Variants in ABTB3 observed in about 807,000 individuals in gnomAD.
The protein encoded by ABTB3 is ankyrin repeat- and BTB/POZ domain-containing protein 3.
the ABTB3 span, among the ~76,000 whole-genome samples, chr12:107,428,108 C>G: frequency 6.6e-6 from 1 of 152,236 alleles, no homozygotes; most frequent in Admixed American, 6.5e-5. Flanking sequence ...CGCAGCATCT[C>G]TCGCAGTGTC....
At chr12:107,508,826 G>T in the ABTB3 span, among the ~76,000 whole-genome samples, 1 of 152,122 alleles carries the variant, frequency 6.6e-6, no homozygotes, top group Non-Finnish European at 1.5e-5. Flanking sequence ...CACACCACAT[G>T]GCGTTATGCC....
At chr12:107,622,913 T>TG in the ABTB3 span, among the ~76,000 whole-genome samples, 4 of 152,368 alleles carry the variant, frequency 2.6e-5, no homozygotes, top group South Asian at 2.1e-4. Flanking sequence ...AAACCATACT[T>TG]GAAATCCGAC....
At chr12:107,652,842 G>T in the ABTB3 span, among the ~76,000 whole-genome samples, 1 of 152,230 alleles carries the variant, frequency 6.6e-6, no homozygotes, top group Non-Finnish European at 1.5e-5. Flanking sequence ...GCACAGGGGG[G>T]ATTAACAGTT....
the ABTB3 span, among the ~76,000 whole-genome samples, chr12:107,541,244 C>T: frequency 3.3e-5 from 5 of 152,140 alleles, no homozygotes; most frequent in Admixed American, 3.3e-4. Flanking sequence ...CTCACTTACT[C>T]GAATTTGGAT....
chr12:107,364,994 T>C, the ABTB3 span, among the ~76,000 whole-genome samples: 1 of 152,190 alleles, frequency 6.6e-6, no homozygotes, highest in Admixed American at 6.5e-5. Flanking sequence ...CAGTACTCTG[T>C]ACACAGTACA....
the ABTB3 span, chr12:107,610,420 A>C: frequency 1.9e-6 from 3 of 1,581,096 alleles, no homozygotes; most frequent in South Asian, 2.3e-5. Flanking sequence ...CTGGCAAGAC[A>C]GAGACAGCCG....
At chr12:107,500,716 A>G in the ABTB3 span, among the ~76,000 whole-genome samples, 4 of 151,956 alleles carry the variant, frequency 2.6e-5, no homozygotes, top group Admixed American at 2.6e-4. Flanking sequence ...AGCACCCAAG[A>G]ATGATTCTAC....
the ABTB3 span, among the ~76,000 whole-genome samples, chr12:107,433,040 C>A: frequency 6.6e-6 from 1 of 151,214 alleles, no homozygotes. Flanking sequence ...AATCCCAGCA[C>A]TTTGGGAGGC....
chr12:107,452,966 G>A, the ABTB3 span, among the ~76,000 whole-genome samples: 6 of 152,198 alleles, frequency 3.9e-5, no homozygotes, highest in African/African-American at 1.2e-4. Context: ...ATGGGGTGGG[G>A]CTGAGACGCC....
At chr12:107,568,422 C>T in the ABTB3 span, among the ~76,000 whole-genome samples, 1 of 152,106 alleles carries the variant, frequency 6.6e-6, no homozygotes, top group East Asian at 1.9e-4. Context: ...GCCCCCTTCC[C>T]ACTACCCTAC....
At chr12:107,649,140 A>G in the ABTB3 span, 1 of 1,426,540 alleles carries the variant, frequency 7.0e-7, no homozygotes. Flanking sequence ...GAGTTGGGGC[A>G]TCCACCGAAT....
chr12:107,362,826 C>T, the ABTB3 span, among the ~76,000 whole-genome samples: 1 of 152,028 alleles, frequency 6.6e-6, no homozygotes, highest in Non-Finnish European at 1.5e-5. Context: ...GTACTGAGCA[C>T]TACGCTAGAC....
At chr12:107,459,961 T>TG in the ABTB3 span, among the ~76,000 whole-genome samples, 3 of 152,008 alleles carry the variant, frequency 2.0e-5, no homozygotes, top group Non-Finnish European at 2.9e-5. Context: ...GGGGTGGGGT[T>TG]GGGGGGCCGT....
chr12:107,413,487 G>C, the ABTB3 span, among the ~76,000 whole-genome samples: 1,232 of 152,258 alleles, frequency 8.1e-3, 27 homozygotes, highest in African/African-American at 0.028. Context: ...CTGCCAGATT[G>C]AAAGAGACAG....
At chr12:107,479,239 T>A in the ABTB3 span, among the ~76,000 whole-genome samples, 11 of 152,090 alleles carry the variant, frequency 7.2e-5, no homozygotes, top group African/African-American at 2.2e-4. Context: ...TCTGTGGCTT[T>A]TGCCACTGTT....
chr12:107,642,048 G>T, the ABTB3 span: 1 of 1,572,730 alleles, frequency 6.4e-7, no homozygotes. Flanking sequence ...CCATGGATTT[G>T]TGTGTGAGTC....
chr12:107,653,443 G>T, the ABTB3 span, among the ~76,000 whole-genome samples: 3 of 151,988 alleles, frequency 2.0e-5, no homozygotes, highest in Non-Finnish European at 4.4e-5. Context: ...CATGAACCTG[G>T]GGGCCAGAGC....
At chr12:107,473,135 C>T in the ABTB3 span, among the ~76,000 whole-genome samples, 1,208 of 152,284 alleles carry the variant, frequency 7.9e-3, 16 homozygotes, top group African/African-American at 0.028. Context: ...TCGTGAACTT[C>T]TCTGGGGCAA....
At chr12:107,585,467 C>T in the ABTB3 span, among the ~76,000 whole-genome samples, 12 of 152,296 alleles carry the variant, frequency 7.9e-5, no homozygotes, top group East Asian at 9.7e-4. Flanking sequence ...CTAGGTCTGC[C>T]GCTTTCTAGC....
Sources: allele counts gnomAD v4.1 joint callset (sites outside exome capture counted in the v4.1 genomes callset), GRCh38; gene constraint gnomAD v4.1.1; transcripts MANE v1.5; gene names NCBI Gene and HGNC (gene_info 2026-07-23, HGNC 2026-07-21).